CDV3: variants seen among roughly 807,000 people sequenced by gnomAD.
The protein encoded by CDV3 is protein CDV3 homolog.
A neutral mutation model predicts 24.5 loss-of-function variants in CDV3; 14 were observed. The ratio of observed to expected loss-of-function variants is 0.57; its 90% CI spans 0.38 to 0.89. The LOEUF is 0.89. Ranked by LOEUF, CDV3 falls within the 40% of genes least tolerant of loss-of-function variation. The probability of loss-of-function intolerance (pLI) is 0.00; values close to 1 mark genes in which losing one functional copy is unlikely to be tolerated. For synonymous variants in CDV3, 114 were observed against 114.1 expected, an observed-to-expected ratio of 1.00 and a Z score of 0.00; for missense variants, 304 against 310.2, an observed-to-expected ratio of 0.98 and a Z score of 0.15.
intron 3 of CDV3, among the ~76,000 whole-genome samples, chr3:133,585,343 T>G (rs1480347585): frequency 6.6e-6 from 1 of 152,138 alleles, no homozygotes; most frequent in Non-Finnish European, 1.5e-5. Flanking sequence ...CCCGGTCTTA[T>G]GTTTTTAAAT....
chr3:133,583,964 G>A, intron 2 of CDV3, 38 bp from the exon 3 acceptor site: 1 of 1,528,824 alleles, frequency 6.5e-7, no homozygotes, highest in Non-Finnish European at 8.9e-7. Flanking sequence ...AAATTTTCTT[G>A]GTGATTCCTT....
At position 133,588,202 on chromosome 3, in the gene CDV3, C is replaced by G; in HGVS notation, c.*156C>G. 1 of 1,529,572 alleles carries G rather than the reference C, an allele frequency of 6.5e-7. No individual in the cohort carries two copies. The highest frequency in any genetic ancestry group is 2.4e-5 in the East Asian group (1 of 41,478). The allele number at this position is 1,529,572 out of a possible 1,614,324, so 94.8% of individuals were successfully genotyped here. The stretch of plus-strand genomic sequence containing the variant: ...TTGCACTATGGAAGTTAAAGTGTCA[C>G]GACTGCTCTATGCATATTGGATTTA... On this transcript the variant is annotated 3_prime_UTR_variant, in exon 5 of 5. Coordinates refer to ENST00000264993, the MANE Select transcript of CDV3 (RefSeq NM_017548.5).
intron 2 of CDV3, among the ~76,000 whole-genome samples, chr3:133,582,920 CAA>C (rs1406643687): frequency 1.3e-5 from 2 of 151,936 alleles, no homozygotes; most frequent in Admixed American, 6.6e-5. Flanking sequence ...TGTCAAGAGA[CAA>C]AAGATAAATA....
chr3:133,590,205 T>G lies in CDV3; in HGVS notation c.*2159T>G. The stretch of plus-strand genomic sequence containing the variant: ...ATTTGTTTGAATTCTCAGGCATGGT[T>G]TGGCAGTGCAAGAATTCTGTAACAT... On this transcript the variant is annotated 3_prime_UTR_variant, in exon 5 of 5. Coordinates refer to ENST00000264993, the MANE Select transcript of CDV3 (RefSeq NM_017548.5). 6.6e-6 allele frequency: 1 copy of G among 152,208 alleles called. No homozygotes were observed. Among genetic ancestry groups the G allele is most frequent in the Admixed American group, 6.5e-5 (1 of 15,276 alleles). The allele number at this position is 152,208 out of a possible 1,614,324, so 9.4% of individuals were successfully genotyped here. A position where few individuals can be genotyped will look rare whatever the true frequency, so the allele number is the denominator to read the frequency against.
At chr3:133,574,441 G>T in intron 1 of CDV3, 157 bp downstream of exon 1, 1 of 985,844 alleles carries the variant, frequency 1.0e-6, no homozygotes, top group South Asian at 4.7e-5. Context: ...CTCGGGCTGG[G>T]CTCGCCAGGG....
At chr3:133,581,542 G>A (rs1933026370) in intron 2 of CDV3, among the ~76,000 whole-genome samples, 1 of 152,176 alleles carries the variant, frequency 6.6e-6, no homozygotes, top group East Asian at 1.9e-4. Context: ...AGTAAATAGT[G>A]CTGATTATTA....
intron 3 of CDV3, 57 bp from the exon 4 acceptor site, chr3:133,586,506 C>A: frequency 1.1e-6 from 1 of 878,174 alleles, no homozygotes; most frequent in Non-Finnish European, 1.8e-6. Context: ...GCAAGAATAG[C>A]TTATTAAAAT....
Position 133,574,212 on chromosome 3 carries a change from C to T in CDV3, c.168C>T (p.Thr56=), listed in dbSNP as rs2074711107. The T allele has an allele frequency of 9.9e-7, 1 of 1,009,332 alleles. No individual in the cohort carries two copies. The highest frequency in any genetic ancestry group is 1.7e-5 in the African/African-American group (1 of 57,162). 62.5% of individuals were successfully genotyped at this position (1,009,332 alleles called of 1,614,324 possible). The change falls in exon 1 of 5, where the codon ACC becomes ACT. Residue 56 remains threonine, a synonymous_variant. Transcript: ENST00000264993. ...CGGGCGGCGGGGCGGGCGCGGGGAC[C>T]CGGCCGGGTGACGGCGGGACCGCCA... is the stretch of plus-strand genomic sequence containing the variant. ...GAAGGGAGAG[T]RPGDGGTASA...
intron 3 of CDV3, among the ~76,000 whole-genome samples, 159 bp from the exon 4 acceptor site, chr3:133,586,404 C>CT (rs1254299165): frequency 3.9e-5 from 6 of 152,230 alleles, no homozygotes; most frequent in Non-Finnish European, 8.8e-5. Flanking sequence ...CCTGTTTTCA[C>CT]TTTCAGACAT....
intron 2 of CDV3, among the ~76,000 whole-genome samples, chr3:133,575,895 A>G (rs1312849872): frequency 6.6e-6 from 1 of 152,196 alleles, no homozygotes; most frequent in African/African-American, 2.4e-5. Context: ...ACAAATGAAG[A>G]TATGGTTCTG....
intron 3 of CDV3, among the ~76,000 whole-genome samples, chr3:133,585,843 A>G (rs528502866): frequency 3.9e-5 from 6 of 152,344 alleles, no homozygotes; most frequent in African/African-American, 1.2e-4. Context: ...TCATTAAAAA[A>G]TTCTTTACAT....
intron 1 of CDV3, 124 bp from the exon 2 acceptor site, chr3:133,574,915 A>T (rs942090892): frequency 1.3e-6 from 1 of 746,878 alleles, no homozygotes; most frequent in African/African-American, 1.8e-5. Flanking sequence ...AAGGGCTTTG[A>T]CCAGAAGACA....
intron 3 of CDV3, among the ~76,000 whole-genome samples, chr3:133,584,863 T>C (rs2107733147): frequency 6.6e-6 from 1 of 152,286 alleles, no homozygotes; most frequent in East Asian, 1.9e-4. Context: ...TATCGCAGTA[T>C]TAAAATTTCA....
Position 133,588,157 on chromosome 3 carries a change from C to T in CDV3, c.*111C>T, listed in dbSNP as rs918583784. ...TCTACAGACACCGATGCAGACCACT[C>T]GATTTCATGACCGGCCCTATTGCAC... On this transcript the variant is annotated 3_prime_UTR_variant, in exon 5 of 5. Coordinates refer to ENST00000264993, the MANE Select transcript of CDV3 (RefSeq NM_017548.5). 4.8e-5 allele frequency: 74 copies of T among 1,551,980 alleles called. No individual in the cohort carries two copies. Among genetic ancestry groups the T allele is most frequent in the Middle Eastern group, 1.7e-4 (1 of 5,778 alleles).
chr3:133,587,424 G>A, intron 4 of CDV3: 1 of 1,174,934 alleles, frequency 8.5e-7, no homozygotes, highest in Non-Finnish European at 1.1e-6. Context: ...CCTTGGGAGG[G>A]CAGTGATTCA....
At chr3:133,576,635 T>A (rs1458493947) in intron 2 of CDV3, among the ~76,000 whole-genome samples, 1 of 152,140 alleles carries the variant, frequency 6.6e-6, no homozygotes, top group Non-Finnish European at 1.5e-5. Flanking sequence ...CTATGGAGAT[T>A]ATTTAAACAG....
chr3:133,583,334 C>A (rs151032059), intron 2 of CDV3, among the ~76,000 whole-genome samples: 4 of 152,216 alleles, frequency 2.6e-5, no homozygotes, highest in Non-Finnish European at 5.9e-5. Context: ...CAAAACTCTT[C>A]ATTTGCTCAC....
chr3:133,583,034 CAA>C (rs766236659), intron 2 of CDV3, among the ~76,000 whole-genome samples: 28 of 152,262 alleles, frequency 1.8e-4, no homozygotes, highest in Admixed American at 3.9e-4. Flanking sequence ...GATTATGACT[CAA>C]GTCAATTCAA....
In CDV3 at chr3:133,590,131, C is replaced by G. The variant is rs1376516789; in HGVS notation, c.*2085C>G. The G allele has an allele frequency of 6.6e-6, 1 of 152,090 alleles. No individual in the cohort carries two copies. Among genetic ancestry groups the G allele is most frequent in the Non-Finnish European group, 1.5e-5 (1 of 67,998 alleles). The allele number at this position is 152,090 out of a possible 1,614,324, so 9.4% of individuals were successfully genotyped here. A position where few individuals can be genotyped will look rare whatever the true frequency, so the allele number is the denominator to read the frequency against. On this transcript the variant is annotated 3_prime_UTR_variant, in exon 5 of 5. Coordinates refer to ENST00000264993, the MANE Select transcript of CDV3 (RefSeq NM_017548.5). ...TGAAAATATCAAAATATAAATGAAT[C>G]AAGTTTTAATATACTGTATGATGGG... is the stretch of plus-strand genomic sequence containing the variant.
Sources: allele counts gnomAD v4.1 joint callset (sites outside exome capture counted in the v4.1 genomes callset), GRCh38; gene constraint gnomAD v4.1.1; transcripts MANE v1.5; gene names NCBI Gene and HGNC (gene_info 2026-07-23, HGNC 2026-07-21).